Variants in PAX5 observed in about 807,000 individuals in gnomAD.
PAX5 encodes paired box protein Pax-5.
PAX5 carries 9 observed loss-of-function variants against 43.7 expected under a neutral mutation model. The observed-to-expected ratio is 0.21, with a 90% confidence interval of 0.12 to 0.36. The LOEUF is 0.36. Ranked by LOEUF, PAX5 falls within the 10% of genes least tolerant of loss-of-function variation. The pLI, the probability that PAX5 is intolerant of heterozygous loss-of-function variation, is 1.00. For synonymous variants in PAX5, 228 were observed against 214.3 expected (o/e 1.06, Z -0.56); for missense variants, 383 against 532.7 (o/e 0.72, Z 2.77).
intron 8 of PAX5, among the ~76,000 whole-genome samples, chr9:36,867,924 A>C (rs1461575340): frequency 6.6e-6 from 1 of 152,192 alleles, no homozygotes; most frequent in Non-Finnish European, 1.5e-5. Flanking sequence ...GGGTCCCATT[A>C]ATGACTATAT....
chr9:36,955,742 G>T (rs1214331765), intron 6 of PAX5, among the ~76,000 whole-genome samples: 1 of 144,468 alleles, frequency 6.9e-6, no homozygotes, highest in Non-Finnish European at 1.5e-5. Context: ...TTAAATTACA[G>T]CCACTGAGGA....
intron 5 of PAX5, among the ~76,000 whole-genome samples, chr9:36,971,741 A>T (rs1214154116): frequency 6.6e-6 from 1 of 152,246 alleles, no homozygotes; most frequent in Non-Finnish European, 1.5e-5. Context: ...AGGGGCAGGA[A>T]GCCCCGTCTC....
At chr9:36,851,017 G>A (rs1307802500) in intron 8 of PAX5, among the ~76,000 whole-genome samples, 2 of 152,214 alleles carry the variant, frequency 1.3e-5, no homozygotes, top group Non-Finnish European at 2.9e-5. Context: ...TTCCTGCGGC[G>A]GGGCTGAAAG....
At chr9:36,949,308 C>T (rs1832812396) in intron 6 of PAX5, among the ~76,000 whole-genome samples, 1 of 152,186 alleles carries the variant, frequency 6.6e-6, no homozygotes, top group East Asian at 1.9e-4. Flanking sequence ...GATCCACCTG[C>T]CTCAGCCTCC....
At chr9:37,023,059 A>G (rs971738988) in intron 1 of PAX5, among the ~76,000 whole-genome samples, 30 of 152,228 alleles carry the variant, frequency 2.0e-4, no homozygotes, top group African/African-American at 7.2e-4. Flanking sequence ...GAGGCAGGAC[A>G]GGGAAAGAAA....
chr9:36,920,417 T>G (rs1830074786), intron 7 of PAX5, among the ~76,000 whole-genome samples: 3 of 152,204 alleles, frequency 2.0e-5, no homozygotes, highest in Admixed American at 1.3e-4. Flanking sequence ...ACCGTCCTGA[T>G]CAGTCATCAG....
At chr9:36,916,085 T>C (rs1414257537) in intron 7 of PAX5, among the ~76,000 whole-genome samples, 2 of 152,076 alleles carry the variant, frequency 1.3e-5, no homozygotes, top group Admixed American at 6.6e-5. Flanking sequence ...CTTGAGGTTT[T>C]TTTTGTTTGT....
At chr9:36,937,378 C>A (rs1322629636) in intron 6 of PAX5, among the ~76,000 whole-genome samples, 4 of 152,214 alleles carry the variant, frequency 2.6e-5, no homozygotes, top group African/African-American at 9.7e-5. Flanking sequence ...CACCACTCTA[C>A]ACCCCCTCTG....
At chr9:36,984,435 C>CTTTTTTTTTTTTTTTTTTTTTTTTT (rs10663927) in intron 5 of PAX5, among the ~76,000 whole-genome samples, 4 of 66,882 alleles carry the variant, frequency 6.0e-5, no homozygotes, top group African/African-American at 2.6e-4. Flanking sequence ...TTGAACCTCT[C>CTTTTTTTTTTTTTTTTTTTTTTTTT]TTTTTTTTTT....
chr9:36,887,680 A>C (rs904906814), intron 7 of PAX5, among the ~76,000 whole-genome samples: 48 of 152,362 alleles, frequency 3.2e-4, no homozygotes, highest in Admixed American at 3.1e-3. Flanking sequence ...AGTTAAAAGT[A>C]CAAAATTCTT....
chr9:36,886,693 A>G lies in PAX5; in HGVS notation c.911-4588T>C, dbSNP rs151219351. Among the ~76,000 whole-genome samples the G allele has an allele frequency of 2.8e-4, 43 of 152,288 alleles. No individual in the cohort carries two copies. In the East Asian group the frequency reaches 7.9e-3, roughly 28 times the overall value. On this transcript the variant is annotated intron_variant, in intron 7 of 9. Coordinates refer to ENST00000358127, the MANE Select transcript of PAX5 (RefSeq NM_016734.3). ...CATTTCTTTCATTTTTTTTTAACCAAGGAAGAAATTATTTGTATCATTTGC... is the reference window on the plus strand; with the variant it reads ...CATTTCTTTCATTTTTTTTTAACCAGGGAAGAAATTATTTGTATCATTTGC...
chr9:36,842,812 G>A (rs550114881), intron 9 of PAX5, among the ~76,000 whole-genome samples: 6 of 152,098 alleles, frequency 3.9e-5, no homozygotes, highest in Non-Finnish European at 7.4e-5. Flanking sequence ...GGGCCCTGGT[G>A]GGATGCTGAG....
intron 6 of PAX5, among the ~76,000 whole-genome samples, chr9:36,932,788 C>G (rs1022871592): frequency 1.3e-5 from 2 of 151,838 alleles, no homozygotes; most frequent in Non-Finnish European, 2.9e-5. Flanking sequence ...ATCAGTGCAA[C>G]AATTGTCATG....
intron 7 of PAX5, among the ~76,000 whole-genome samples, chr9:36,909,080 C>T (rs780021088): frequency 3.1e-4 from 47 of 152,216 alleles, no homozygotes; most frequent in Non-Finnish European, 6.3e-4. Flanking sequence ...ACCTCTGAAC[C>T]TCTGAGTAGC....
rs574189573 is a variant in PAX5, at chr9:36,969,936, A to G, written c.605-3212T>C. On this transcript the variant is annotated intron_variant, in intron 5 of 9. Transcript: ENST00000358127. The stretch of plus-strand genomic sequence containing the variant: ...GAAGGATTTGGACACTCCAAAACAC[A>G]TAATTAGTTATTCATTGGTTTAACA... Among the ~76,000 whole-genome samples, 265 of 152,392 alleles carry G rather than the reference A, an allele frequency of 1.7e-3. 1 individual carries two copies. The highest frequency in any genetic ancestry group is 6.1e-3 in the African/African-American group (255 of 41,596).
At chr9:37,001,939 G>C (rs1410763770) in intron 5 of PAX5, among the ~76,000 whole-genome samples, 1 of 149,746 alleles carries the variant, frequency 6.7e-6, no homozygotes, top group Admixed American at 6.7e-5. Flanking sequence ...AGGAGCCCCA[G>C]TTAAGGTGTC....
intron 1 of PAX5, among the ~76,000 whole-genome samples, chr9:37,021,447 C>T (rs1174935199): frequency 6.6e-6 from 1 of 152,140 alleles, no homozygotes; most frequent in African/African-American, 2.4e-5. Flanking sequence ...TCAAAGCACA[C>T]AAAAGAAATG....
chr9:37,003,848 T>TA (rs1291961487), intron 4 of PAX5, among the ~76,000 whole-genome samples: 7 of 151,978 alleles, frequency 4.6e-5, no homozygotes, highest in Admixed American at 2.6e-4. Context: ...AAAATAAAAA[T>TA]AAAAAATAAA....
At chr9:37,007,885 G>C (rs1004241879) in intron 3 of PAX5, 24 of 151,950 alleles carry the variant, frequency 1.6e-4, no homozygotes, top group African/African-American at 5.6e-4. Flanking sequence ...TTGTTGTGGT[G>C]GTTGTTTGTT....
Sources: allele counts gnomAD v4.1 joint callset (sites outside exome capture counted in the v4.1 genomes callset), GRCh38; gene constraint gnomAD v4.1.1; transcripts MANE v1.5; gene names NCBI Gene and HGNC (gene_info 2026-07-23, HGNC 2026-07-21).